TRDN: variants seen among roughly 807,000 people sequenced by gnomAD.
TRDN encodes triadin, also known as triadin in skeletal muscle.
Under a neutral mutation model 149.7 loss-of-function variants are expected in TRDN, and 161 were observed. The observed-to-expected ratio is 1.08, with a 90% confidence interval of 0.95 to 1.23. TRDN has a LOEUF of 1.23. Among genes scored for constraint, TRDN ranks in the 50% most tolerant of loss-of-function variants. TRDN has a pLI of 0.00. For missense variants in TRDN, 896 were observed against 823.5 expected, an observed-to-expected ratio of 1.09 and a Z score of -1.08; for synonymous variants, 294 against 250.5, an observed-to-expected ratio of 1.17 and a Z score of -1.64.
At chr6:123,583,265 AG>A (rs1249545476) in intron 1 of TRDN, among the ~76,000 whole-genome samples, 1 of 152,082 alleles carries the variant, frequency 6.6e-6, no homozygotes, top group African/African-American at 2.4e-5. Flanking sequence ...AACGGTGAAT[AG>A]GAGTATGACT....
intron 7 of TRDN, among the ~76,000 whole-genome samples, chr6:123,509,155 C>T (rs1300262536): frequency 6.6e-6 from 1 of 151,668 alleles, no homozygotes; most frequent in African/African-American, 2.4e-5. Context: ...TATATACACA[C>T]ATATATATGT....
chr6:123,487,723 C>A (rs1295965429), intron 9 of TRDN, among the ~76,000 whole-genome samples: 1 of 151,996 alleles, frequency 6.6e-6, no homozygotes, highest in African/African-American at 2.4e-5. Context: ...AGTCTGATAT[C>A]CTCATTGTCT....
intron 21 of TRDN, among the ~76,000 whole-genome samples, chr6:123,345,584 T>C (rs1481661109): frequency 2.8e-4 from 42 of 152,060 alleles, no homozygotes; most frequent in Admixed American, 2.8e-3. Flanking sequence ...AGTTTGTCAA[T>C]AGCCACAAGA....
In TRDN at chr6:123,388,529, C is replaced by T. The variant is rs1781990044; in HGVS notation, c.1128G>A (p.Lys376=). The T allele has an allele frequency of 1.3e-6, 2 of 1,586,790 alleles. No individual in the cohort carries two copies. The highest frequency in any genetic ancestry group is 1.3e-5 in the African/African-American group (1 of 74,778). ...ATTTTGCATAAAACATACCTTCCTT[C>T]TTTTCATCCTTCTTAGCTGCTGCTG... The part of the protein sequence containing the change: ...AAQAAAKKDE[K]KEDSKKTKKP... The change falls in exon 14 of 41, where the codon AAG becomes AAA. Residue 376 remains lysine, a synonymous_variant. Coordinates refer to ENST00000334268, the MANE Select transcript of TRDN (RefSeq NM_006073.4).
At chr6:123,492,079 TA>T (rs1321466350) in intron 9 of TRDN, among the ~76,000 whole-genome samples, 1 of 152,168 alleles carries the variant, frequency 6.6e-6, no homozygotes, top group Non-Finnish European at 1.5e-5. Context: ...GCTATGGACT[TA>T]AAACCCATTG....
chr6:123,247,898 G>A (rs1776241698), intron 38 of TRDN, among the ~76,000 whole-genome samples: 1 of 152,088 alleles, frequency 6.6e-6, no homozygotes, highest in African/African-American at 2.4e-5. Context: ...TACCAAAACA[G>A]ATATATAGAC....
intron 1 of TRDN, among the ~76,000 whole-genome samples, chr6:123,605,740 G>C (rs951282328): frequency 2.0e-5 from 3 of 151,802 alleles, no homozygotes; most frequent in Non-Finnish European, 2.9e-5. Flanking sequence ...CTCTAGCCTG[G>C]GTAACAAAAC....
intron 4 of TRDN, among the ~76,000 whole-genome samples, chr6:123,543,728 G>T (rs989001551): frequency 6.6e-6 from 1 of 151,992 alleles, no homozygotes; most frequent in Admixed American, 6.6e-5. Flanking sequence ...AAATAAAGTT[G>T]CCATATCCCT....
chr6:123,321,450 C>T (rs1051009985), intron 23 of TRDN, among the ~76,000 whole-genome samples: 6 of 151,696 alleles, frequency 4.0e-5, no homozygotes, highest in African/African-American at 9.7e-5. Context: ...TCATTTGGAC[C>T]TTTTTTTATT....
At chr6:123,538,733 T>C (rs1026636678) in intron 4 of TRDN, among the ~76,000 whole-genome samples, 3 of 152,150 alleles carry the variant, frequency 2.0e-5, no homozygotes, top group African/African-American at 7.2e-5. Context: ...AATAATAGAT[T>C]CAACACTGTA....
chr6:123,315,406 G>T (rs1778987844), intron 24 of TRDN, among the ~76,000 whole-genome samples: 1 of 151,574 alleles, frequency 6.6e-6, no homozygotes. Context: ...CTTTAAATGG[G>T]CATGCTTATT....
At chr6:123,483,066 T>TTTTTTA (rs543644350) in intron 9 of TRDN, among the ~76,000 whole-genome samples, 232 of 133,362 alleles carry the variant, frequency 1.7e-3, no homozygotes, top group African/African-American at 2.5e-3. Context: ...TGATTTCTCA[T>TTTTTTA]TTATTATTAT....
At chr6:123,626,075 C>A (rs368235321) in intron 1 of TRDN, among the ~76,000 whole-genome samples, 1 of 152,198 alleles carries the variant, frequency 6.6e-6, no homozygotes, top group Non-Finnish European at 1.5e-5. Context: ...TTATCTTCTA[C>A]TCTATGTTAT....
Position 123,438,939 on chromosome 6 carries a change from C to T in TRDN, c.991+5G>A, listed in dbSNP as rs1489107167. 1 of 1,556,322 alleles carries T rather than the reference C, an allele frequency of 6.4e-7. No homozygotes were observed. Among genetic ancestry groups the T allele is most frequent in the South Asian group, 1.2e-5 (1 of 83,716 alleles). On this transcript the variant is annotated splice_donor_5th_base_variant and intron_variant, in intron 11 of 40. Coordinates refer to ENST00000334268, the MANE Select transcript of TRDN (RefSeq NM_006073.4). ...TATGTGGTACATGGCTTTTAAATTT[C>T]CTACCTTTCTTTTTTGTTTCAGAAG... is the stretch of plus-strand genomic sequence containing the variant.
At chr6:123,302,370 T>C (rs1449188942) in intron 24 of TRDN, among the ~76,000 whole-genome samples, 1 of 152,120 alleles carries the variant, frequency 6.6e-6, no homozygotes, top group African/African-American at 2.4e-5. Context: ...ATTTATTTCT[T>C]TTAAGCTCAA....
chr6:123,237,826 C>A (rs1775845706), intron 38 of TRDN, among the ~76,000 whole-genome samples: 1 of 152,062 alleles, frequency 6.6e-6, no homozygotes, highest in Admixed American at 6.6e-5. Context: ...AAATCCTCAT[C>A]CCAACAAACT....
chr6:123,291,172 T>C (rs1777997583), intron 24 of TRDN, among the ~76,000 whole-genome samples: 1 of 152,000 alleles, frequency 6.6e-6, no homozygotes, highest in Non-Finnish European at 1.5e-5. Flanking sequence ...ATGTATTTTC[T>C]TTTCCAAGAA....
At chr6:123,610,144 C>T (rs551740519) in intron 1 of TRDN, among the ~76,000 whole-genome samples, 114 of 152,182 alleles carry the variant, frequency 7.5e-4, no homozygotes, top group African/African-American at 2.6e-3. Flanking sequence ...TAAGAGTCTC[C>T]AAAATATACT....
At chr6:123,360,719 C>T (rs1026828835) in intron 20 of TRDN, among the ~76,000 whole-genome samples, 104 of 26,552 alleles carry the variant, frequency 3.9e-3, no homozygotes, top group East Asian at 7.1e-3. Context: ...GAGAGAGAGA[C>T]GGAGAGAGAG....
Sources: allele counts gnomAD v4.1 joint callset (sites outside exome capture counted in the v4.1 genomes callset), GRCh38; gene constraint gnomAD v4.1.1; transcripts MANE v1.5; gene names NCBI Gene and HGNC (gene_info 2026-07-23, HGNC 2026-07-21).